EPHA6: variants seen among roughly 807,000 people sequenced by gnomAD.
EPHA6 encodes EPH receptor A6.
A neutral mutation model predicts 112.0 loss-of-function variants in EPHA6; 50 were observed. That is an observed-to-expected ratio of 0.45 (90% CI 0.36 to 0.56). The LOEUF (loss-of-function observed/expected upper bound fraction) is 0.56, where lower values mean the gene tolerates loss of function less well. Among genes scored for constraint, EPHA6 ranks in the 20% least tolerant of loss-of-function variants. The probability of loss-of-function intolerance (pLI) is 0.00; values close to 1 mark genes in which losing one functional copy is unlikely to be tolerated. For missense variants in EPHA6, 1,280 were observed against 1,417.4 expected (o/e 0.90, Z 1.56); for synonymous variants, 529 against 490.7 (o/e 1.08, Z -1.03).
chr3:97,530,568 C>A (rs1230213403), intron 10 of EPHA6, among the ~76,000 whole-genome samples: 10 of 150,344 alleles, frequency 6.7e-5, no homozygotes, highest in African/African-American at 2.4e-4. Flanking sequence ...TCAGGAAATT[C>A]ATCCTCCAAC....
At position 97,385,084 on chromosome 3, in the gene EPHA6, C is replaced by A. The variant is rs538883418; in HGVS notation, c.1607-20066C>A. Among the ~76,000 whole-genome samples the A allele has an allele frequency of 3.9e-5, 6 of 152,278 alleles. No homozygotes were observed. In the South Asian group the frequency reaches 1.2e-3, roughly 32 times the overall value. The stretch of plus-strand genomic sequence containing the variant: ...AAAAGATGGACACAGTAGGTTCTGG[C>A]AAACTGATGAGAACTAGATCCAGCT... On this transcript the variant is annotated intron_variant, in intron 5 of 17. Transcript: ENST00000389672.
At chr3:97,160,989 C>A (rs2076401453) in intron 3 of EPHA6, among the ~76,000 whole-genome samples, 1 of 152,130 alleles carries the variant, frequency 6.6e-6, no homozygotes, top group South Asian at 2.1e-4. Flanking sequence ...AGACAGAAGG[C>A]CATGGAGCAG....
intron 3 of EPHA6, among the ~76,000 whole-genome samples, chr3:97,202,199 T>G (rs1334049171): frequency 6.6e-6 from 1 of 151,988 alleles, no homozygotes; most frequent in Non-Finnish European, 1.5e-5. Flanking sequence ...ACTCAAAAGG[T>G]AGGCTCTCTT....
chr3:97,736,576 A>G (rs1043385740), intron 16 of EPHA6, among the ~76,000 whole-genome samples: 2 of 151,682 alleles, frequency 1.3e-5, no homozygotes, highest in South Asian at 2.1e-4. Flanking sequence ...CAAGCCAGAC[A>G]GGGGCAATTT....
intron 3 of EPHA6, among the ~76,000 whole-genome samples, chr3:97,190,170 C>T (rs2077264291): frequency 6.6e-6 from 1 of 152,112 alleles, no homozygotes; most frequent in Non-Finnish European, 1.5e-5. Context: ...GAACAGTATA[C>T]AGCAACCACC....
intron 1 of EPHA6, among the ~76,000 whole-genome samples, chr3:96,831,235 T>G (rs1279880582): frequency 6.6e-6 from 1 of 152,076 alleles, no homozygotes; most frequent in Non-Finnish European, 1.5e-5. Context: ...ACCTGTTTAT[T>G]AATTTGTCCT....
At chr3:96,825,856 T>C (rs1379322064) in intron 1 of EPHA6, among the ~76,000 whole-genome samples, 1 of 151,806 alleles carries the variant, frequency 6.6e-6, no homozygotes, top group African/African-American at 2.4e-5. Flanking sequence ...CTTCTTCCCA[T>C]ATATGTGATA....
At chr3:97,024,035 A>C (rs1302906583) in intron 3 of EPHA6, among the ~76,000 whole-genome samples, 2 of 152,092 alleles carry the variant, frequency 1.3e-5, no homozygotes, top group Non-Finnish European at 2.9e-5. Context: ...TTATGAGATG[A>C]TCTAGTGGTC....
At chr3:96,980,776 A>T (rs577150164) in intron 2 of EPHA6, among the ~76,000 whole-genome samples, 1 of 152,112 alleles carries the variant, frequency 6.6e-6, no homozygotes, top group Admixed American at 6.6e-5. Flanking sequence ...ATCCCTGGTA[A>T]GTTGGATTCC....
intron 3 of EPHA6, among the ~76,000 whole-genome samples, chr3:97,168,907 C>A (rs2108420376): frequency 6.6e-6 from 1 of 152,122 alleles, no homozygotes; most frequent in South Asian, 2.1e-4. Context: ...GGGGTTGGAA[C>A]AGCTTGGAGG....
At chr3:97,109,657 A>C (rs2047663881) in intron 3 of EPHA6, among the ~76,000 whole-genome samples, 1 of 152,122 alleles carries the variant, frequency 6.6e-6, no homozygotes, top group African/African-American at 2.4e-5. Context: ...AGAAGCACAA[A>C]ACTCCGAGAT....
At chr3:97,227,709 G>A (rs1044701430) in intron 4 of EPHA6, among the ~76,000 whole-genome samples, 1 of 152,160 alleles carries the variant, frequency 6.6e-6, no homozygotes, top group Non-Finnish European at 1.5e-5. Flanking sequence ...GCAGAAACAT[G>A]CACATGGGCA....
At chr3:97,597,411 T>C (rs960743538) in intron 12 of EPHA6, among the ~76,000 whole-genome samples, 2 of 152,226 alleles carry the variant, frequency 1.3e-5, no homozygotes, top group African/African-American at 2.4e-5. Context: ...TCAAAAACTA[T>C]ATTTGCGATT....
intron 3 of EPHA6, among the ~76,000 whole-genome samples, chr3:97,046,336 A>C (rs1159549775): frequency 2.6e-5 from 4 of 152,180 alleles, no homozygotes; most frequent in Non-Finnish European, 5.9e-5. Context: ...TCATTTCAAT[A>C]GATGCAGAAA....
intron 3 of EPHA6, among the ~76,000 whole-genome samples, chr3:96,988,356 TC>T (rs2043095559): frequency 6.6e-6 from 1 of 152,128 alleles, no homozygotes; most frequent in Admixed American, 6.6e-5. Context: ...TTCAGTAAAG[TC>T]GTTAAACAAT....
intron 1 of EPHA6, among the ~76,000 whole-genome samples, chr3:96,839,761 G>C (rs2034626638): frequency 6.6e-6 from 1 of 152,046 alleles, no homozygotes; most frequent in Non-Finnish European, 1.5e-5. Flanking sequence ...TTAAAATTTG[G>C]TAGTTTGGTC....
chr3:97,427,463 C>T (rs947890861), intron 6 of EPHA6, among the ~76,000 whole-genome samples: 1 of 152,276 alleles, frequency 6.6e-6, no homozygotes, highest in South Asian at 2.1e-4. Flanking sequence ...ATTGCATGTT[C>T]TCACTTATAA....
chr3:97,070,171 A>T (rs927593317), intron 3 of EPHA6, among the ~76,000 whole-genome samples: 8 of 152,030 alleles, frequency 5.3e-5, no homozygotes, highest in Non-Finnish European at 8.8e-5. Flanking sequence ...AGCTTTTGTT[A>T]TCAACCAATA....
chr3:96,888,904 T>C (rs1458180201), intron 2 of EPHA6, among the ~76,000 whole-genome samples: 1 of 152,230 alleles, frequency 6.6e-6, no homozygotes, highest in Non-Finnish European at 1.5e-5. Context: ...ACTTTTATGC[T>C]CTGCTTCCCA....
Sources: allele counts gnomAD v4.1 joint callset (sites outside exome capture counted in the v4.1 genomes callset), GRCh38; gene constraint gnomAD v4.1.1; transcripts MANE v1.5; gene names NCBI Gene and HGNC (gene_info 2026-07-23, HGNC 2026-07-21).